The following SHISAL1 variants were observed in gnomAD, a reference collection of about 807,000 sequenced individuals.
SHISAL1 encodes protein shisa-like-1.
SHISAL1 carries 9 observed loss-of-function variants against 22.6 expected under a neutral mutation model. The ratio of observed to expected loss-of-function variants is 0.40; its 90% CI spans 0.24 to 0.70. The LOEUF (loss-of-function observed/expected upper bound fraction) is 0.70, where lower values mean the gene tolerates loss of function less well. Among genes scored for constraint, SHISAL1 ranks in the 30% least tolerant of loss-of-function variants. The pLI is 0.39. For synonymous variants in SHISAL1, 119 were observed against 115.4 expected (o/e 1.03, Z -0.20); for missense variants, 246 against 270.6 (o/e 0.91, Z 0.64).
Position 44,310,118 on chromosome 22 carries a change from C to T in SHISAL1, c.-33+2633G>A, listed in dbSNP as rs774550991. Among the ~76,000 whole-genome samples the T allele has an allele frequency of 1.4e-4, 21 of 152,338 alleles. No homozygotes were observed. The highest frequency in any genetic ancestry group is 2.6e-4 in the Admixed American group (4 of 15,308). On this transcript the variant is annotated intron_variant, in intron 1 of 4. Transcript: ENST00000381176. This position sits in a 1 kb window ranked among gnomAD's most constrained non-coding sequence, Gnocchi z 4.0. ...GGGCCAGCACCTCACACCCTAGTAA[C>T]GGCCAATGTGACCTGAGCCCTGCTG...
chr22:44,264,588 T>TG (rs149680780), intron 4 of SHISAL1, among the ~76,000 whole-genome samples: 1,550 of 152,236 alleles, frequency 0.01, 24 homozygotes, highest in African/African-American at 0.031. Context: ...TGTCAGTCCA[T>TG]GGGGCACCTC....
intron 4 of SHISAL1, among the ~76,000 whole-genome samples, chr22:44,276,030 C>A (rs1206352361): frequency 6.6e-6 from 1 of 152,260 alleles, no homozygotes; most frequent in African/African-American, 2.4e-5. Flanking sequence ...CCAATCCCAA[C>A]TCTCCCGCGT....
At chr22:44,321,889 C>A in the SHISAL1 span, among the ~76,000 whole-genome samples, 5 of 152,126 alleles carry the variant, frequency 3.3e-5, no homozygotes, top group South Asian at 2.1e-4. Context: ...TCTGCATGGT[C>A]CCTCCTGGGT....
intron 4 of SHISAL1, among the ~76,000 whole-genome samples, chr22:44,272,510 C>G (rs1363539520): frequency 1.3e-5 from 2 of 152,224 alleles, no homozygotes; most frequent in African/African-American, 4.8e-5. Context: ...GTAAATTAAT[C>G]TTGTCTGGGC....
intron 4 of SHISAL1, among the ~76,000 whole-genome samples, chr22:44,267,944 T>C (rs903102166): frequency 1.3e-5 from 2 of 151,902 alleles, no homozygotes; most frequent in Non-Finnish European, 2.9e-5. Context: ...CCTCTGGGAG[T>C]CTCCGAAGGG....
chr22:44,253,584 C>A (rs566544394), intron 4 of SHISAL1, among the ~76,000 whole-genome samples: 1 of 150,334 alleles, frequency 6.7e-6, no homozygotes, highest in East Asian at 2.0e-4. Flanking sequence ...GCTCAACCAC[C>A]ATGTCTGGCT....
upstream of SHISAL1, among the ~76,000 whole-genome samples, chr22:44,313,677 C>T (rs1336856281): frequency 6.6e-6 from 1 of 152,052 alleles, no homozygotes; most frequent in South Asian, 2.1e-4. Flanking sequence ...TGCCAGGCAC[C>T]CCCCCAGCCC....
upstream of SHISAL1, among the ~76,000 whole-genome samples, chr22:44,317,108 G>A (rs1245355023): frequency 2.6e-5 from 4 of 152,210 alleles, no homozygotes; most frequent in Non-Finnish European, 5.9e-5. Context: ...GTCGGCTGGA[G>A]GGCCCCTGTC....
At chr22:44,313,861 T>C (rs758914633), upstream of SHISAL1, among the ~76,000 whole-genome samples, 2 of 152,118 alleles carry the variant, frequency 1.3e-5, no homozygotes, top group Admixed American at 6.5e-5. Context: ...ACCTCCTTTT[T>C]CCATTCCTTT....
At chr22:44,265,713 G>A (rs892160916) in intron 4 of SHISAL1, among the ~76,000 whole-genome samples, 5 of 152,232 alleles carry the variant, frequency 3.3e-5, no homozygotes, top group African/African-American at 9.6e-5. Context: ...CTGGGAGAGG[G>A]AGGATCTTGC....
chr22:44,319,434 G>A, the SHISAL1 span, among the ~76,000 whole-genome samples: 2 of 152,242 alleles, frequency 1.3e-5, no homozygotes, highest in Admixed American at 6.5e-5. Flanking sequence ...GAAGGGGAAA[G>A]AGGAGGGAGC....
chr22:44,287,862 C>T (rs2055327104), intron 3 of SHISAL1, among the ~76,000 whole-genome samples: 1 of 152,100 alleles, frequency 6.6e-6, no homozygotes, highest in Admixed American at 6.5e-5. Flanking sequence ...CTGCTGCAGC[C>T]CCCACGGAAT....
At chr22:44,269,305 C>T (rs1400569432) in intron 4 of SHISAL1, among the ~76,000 whole-genome samples, 6 of 132,346 alleles carry the variant, frequency 4.5e-5, no homozygotes, top group Non-Finnish European at 7.6e-5. Flanking sequence ...TGCCACACAC[C>T]ATACTGCACA....
At chr22:44,272,519 G>A (rs1275217062) in intron 4 of SHISAL1, among the ~76,000 whole-genome samples, 3 of 152,232 alleles carry the variant, frequency 2.0e-5, no homozygotes, top group Non-Finnish European at 4.4e-5. Context: ...TCTTGTCTGG[G>A]CTGCATCCAT....
intron 4 of SHISAL1, among the ~76,000 whole-genome samples, chr22:44,250,035 C>T (rs5764147): frequency 1.8e-3 from 268 of 152,028 alleles, no homozygotes; most frequent in South Asian, 7.1e-3. Context: ...CAGACATAGA[C>T]GTATAATAGT....
chr22:44,311,239 C>T (rs1005504408), intron 1 of SHISAL1, among the ~76,000 whole-genome samples: 2 of 152,208 alleles, frequency 1.3e-5, no homozygotes, highest in Non-Finnish European at 2.9e-5. Context: ...GGGCATACCA[C>T]TTGCTCCATG....
chr22:44,309,901 G>C (rs1463075266), intron 1 of SHISAL1, among the ~76,000 whole-genome samples: 1 of 152,242 alleles, frequency 6.6e-6, no homozygotes, highest in African/African-American at 2.4e-5. Context: ...TGCATATGAA[G>C]TGAGATCAAA....
rs1263254862 is a variant in SHISAL1 at position 44,310,175 on chromosome 22, C to T, written c.-33+2576G>A. ...TGCCTAGCCCTGCAGCGGTCACATC[C>T]CCGAACCCAGCCCTGCTGAGACCAT... On this transcript the variant is annotated intron_variant, in intron 1 of 4. Transcript: ENST00000381176. The surrounding 1 kb of genome is among the most constrained non-coding windows in gnomAD (Gnocchi z 4.0). Among the ~76,000 whole-genome samples the T allele has an allele frequency of 6.6e-6, 1 of 152,220 alleles. No homozygotes were observed. The highest frequency in any genetic ancestry group is 1.5e-5 in the Non-Finnish European group (1 of 68,038).
chr22:44,257,102 C>A (rs1376077697), intron 4 of SHISAL1, among the ~76,000 whole-genome samples: 1 of 152,224 alleles, frequency 6.6e-6, no homozygotes, highest in East Asian at 1.9e-4. Context: ...TGGGTTTCTG[C>A]TTCACTGCTA....
Sources: gnomAD v4.1 joint callset for allele counts (sites outside exome capture counted in the v4.1 genomes callset) on GRCh38, gnomAD v4.1.1 for gene constraint, Gnocchi (gnomAD v3.1) non-coding constraint, MANE v1.5 for transcripts, NCBI Gene and HGNC (gene_info 2026-07-23, HGNC 2026-07-21) for gene names.